TENM2: variants seen among roughly 807,000 people sequenced by gnomAD.
TENM2 encodes teneurin transmembrane protein 2, also known as teneurin-2.
A neutral mutation model predicts 245.2 loss-of-function variants in TENM2; 52 were observed. The ratio of observed to expected loss-of-function variants is 0.21; its 90% confidence interval spans 0.17 to 0.27. TENM2 has a LOEUF of 0.27. TENM2 is among the 10% of genes least tolerant of loss of function. The pLI is 1.00. For synonymous variants in TENM2, 1,363 were observed against 1,438.9 expected (o/e 0.95, Z 1.19); for missense variants, 3,046 against 3,666.8 (o/e 0.83, Z 4.37).
intron 3 of TENM2, among the ~76,000 whole-genome samples, chr5:167,948,603 A>G (rs1779830270): frequency 6.6e-6 from 1 of 152,216 alleles, no homozygotes; most frequent in African/African-American, 2.4e-5. Context: ...ACTGAAGGTA[A>G]ATCAGGTGCA....
At chr5:167,102,429 G>A in the TENM2 span, among the ~76,000 whole-genome samples, 2 of 152,236 alleles carry the variant, frequency 1.3e-5, no homozygotes, top group East Asian at 1.9e-4. Flanking sequence ...CAAGGACCCT[G>A]AGTCTTGCAA....
At chr5:167,124,352 G>GT in the TENM2 span, among the ~76,000 whole-genome samples, 319 of 152,138 alleles carry the variant, frequency 2.1e-3, 1 homozygote, top group African/African-American at 6.7e-3. Context: ...TGTTGGTGTT[G>GT]TTTTATTTTA....
chr5:167,357,063 G>A (rs1444028676), intron 1 of TENM2, among the ~76,000 whole-genome samples: 1 of 152,068 alleles, frequency 6.6e-6, no homozygotes, highest in Non-Finnish European at 1.5e-5. Flanking sequence ...CTTTGTTCAA[G>A]TCGACATTTT....
At chr5:167,745,586 AT>A (rs1761502790) in intron 2 of TENM2, among the ~76,000 whole-genome samples, 1 of 152,194 alleles carries the variant, frequency 6.6e-6, no homozygotes, top group Non-Finnish European at 1.5e-5. Flanking sequence ...TTTTCAGCAA[AT>A]TTATGGAGTT....
At chr5:167,781,707 C>G (rs941637336) in intron 2 of TENM2, among the ~76,000 whole-genome samples, 1 of 152,162 alleles carries the variant, frequency 6.6e-6, no homozygotes, top group Non-Finnish European at 1.5e-5. Context: ...TAGGAGTTTC[C>G]TGCATTGGCC....
In TENM2 at chr5:168,247,969, A is replaced by T. The variant is rs761772208; in HGVS notation, c.7030A>T (p.Thr2344Ser). 1 of 1,613,912 alleles carries T rather than the reference A, an allele frequency of 6.2e-7. No individual in the cohort carries two copies. Among genetic ancestry groups the T allele is most frequent in the Admixed American group, 1.7e-5 (1 of 60,022 alleles). The stretch of plus-strand genomic sequence containing the variant: ...CTACAATCACTCCAACTCGGAGATT[A>T]CCTCACTGTACTACGACCTCCAGGG... Residue 2344 changes from threonine (T) to serine (S), a missense_variant, in exon 27 of 29, where the codon ACC (threonine) becomes TCC (serine). This residue lies in a region of TENM2 where 2,704 missense variants were observed against 3,331.9 expected (regional missense o/e 0.81). Transcript: ENST00000518659. This position sits in a 1 kb window ranked among gnomAD's most constrained non-coding sequence, Gnocchi z 7.8.
chr5:167,190,458 A>T, the TENM2 span, among the ~76,000 whole-genome samples: 2 of 152,144 alleles, frequency 1.3e-5, no homozygotes, highest in African/African-American at 4.8e-5. Context: ...GTGGGAGGGA[A>T]ATTTTACAGT....
intron 2 of TENM2, among the ~76,000 whole-genome samples, chr5:167,484,213 C>T (rs745358942): frequency 2.8e-4 from 43 of 151,970 alleles, no homozygotes; most frequent in Admixed American, 1.0e-3. Context: ...GGCTTGGTGG[C>T]GGGAACCTGC....
At chr5:167,995,308 A>G (rs909163059) in intron 5 of TENM2, among the ~76,000 whole-genome samples, 2 of 152,200 alleles carry the variant, frequency 1.3e-5, no homozygotes, top group African/African-American at 4.8e-5. Context: ...CTTGTAAATG[A>G]TAGATTAGGA....
chr5:167,279,744 A>C, the TENM2 span, among the ~76,000 whole-genome samples: 1 of 151,826 alleles, frequency 6.6e-6, no homozygotes, highest in Non-Finnish European at 1.5e-5. Context: ...TCTTCTTTAC[A>C]TCTTCTATTT....
intron 2 of TENM2, among the ~76,000 whole-genome samples, chr5:167,425,876 CTTA>C (rs1395872616): frequency 3.3e-5 from 5 of 152,114 alleles, no homozygotes; most frequent in Non-Finnish European, 4.4e-5. Flanking sequence ...TGCTCAATCA[CTTA>C]TTATTATTGC....
intron 7 of TENM2, among the ~76,000 whole-genome samples, chr5:168,068,555 A>AAT (rs1221309915): frequency 6.6e-6 from 1 of 152,248 alleles, no homozygotes; most frequent in East Asian, 1.9e-4. Context: ...CACATGTATA[A>AAT]ATATATATGT....
chr5:167,847,134 G>C (rs1288248174), intron 2 of TENM2, among the ~76,000 whole-genome samples: 1 of 152,168 alleles, frequency 6.6e-6, no homozygotes, highest in Non-Finnish European at 1.5e-5. Context: ...AAGATGTTTT[G>C]TAGAGATAGA....
chr5:167,108,373 A>C, the TENM2 span, among the ~76,000 whole-genome samples: 2 of 151,960 alleles, frequency 1.3e-5, no homozygotes, highest in South Asian at 2.1e-4. Flanking sequence ...TGATCCACCC[A>C]CCTTGGCCTC....
chr5:168,200,112 T>C (rs1377604509), exon 17 of TENM2: 3 of 1,613,586 alleles, frequency 1.9e-6, no homozygotes, highest in Non-Finnish European at 2.5e-6. Flanking sequence ...AAAGGGTGTA[T>C]GGACTCTCAG....
chr5:167,263,360 GA>G, the TENM2 span, among the ~76,000 whole-genome samples: 97,747 of 151,960 alleles, frequency 0.64, 33,400 homozygotes, highest in Middle Eastern at 0.85. Flanking sequence ...AGGTTTCACA[GA>G]TAGTAAACAG....
chr5:167,973,068 A>G (rs932630356), intron 4 of TENM2, among the ~76,000 whole-genome samples: 6 of 152,180 alleles, frequency 3.9e-5, no homozygotes, highest in Admixed American at 6.5e-5. Context: ...CCTTGCCTCT[A>G]TCTACCTAAT....
the TENM2 span, among the ~76,000 whole-genome samples, chr5:167,070,156 C>T: frequency 1.9e-5 from 2 of 106,668 alleles, no homozygotes; most frequent in Non-Finnish European, 4.1e-5. Flanking sequence ...CTCACTCTGT[C>T]GCCCAGGCTG....
intron 2 of TENM2, among the ~76,000 whole-genome samples, chr5:167,661,585 A>G (rs1755211328): frequency 6.6e-6 from 1 of 152,238 alleles, no homozygotes; most frequent in Non-Finnish European, 1.5e-5. Context: ...TATACATCTT[A>G]TTAATTATTC....
Sources: allele counts gnomAD v4.1 joint callset (sites outside exome capture counted in the v4.1 genomes callset), GRCh38; gene constraint gnomAD v4.1.1; regional missense constraint gnomAD v4.1.1; non-coding constraint Gnocchi (gnomAD v3.1); transcripts MANE v1.5; gene names NCBI Gene and HGNC (gene_info 2026-07-23, HGNC 2026-07-21).